GLRA3: variants seen among roughly 807,000 people sequenced by gnomAD.
The protein encoded by GLRA3 is glycine receptor subunit alpha-3.
GLRA3 carries 44 observed loss-of-function variants against 60.4 expected under a neutral mutation model. The ratio of observed to expected loss-of-function variants is 0.73; its 90% CI spans 0.57 to 0.94. The LOEUF (loss-of-function observed/expected upper bound fraction) is 0.94, where lower values mean the gene tolerates loss of function less well. Ranked by LOEUF, GLRA3 falls within the 40% of genes least tolerant of loss-of-function variation. The pLI is 0.00. For missense variants in GLRA3, 508 were observed against 564.6 expected (o/e 0.90, Z 1.02); for synonymous variants, 223 against 192.9 (o/e 1.16, Z -1.29).
intron 5 of GLRA3, among the ~76,000 whole-genome samples, chr4:174,687,110 C>G (rs536488196): frequency 1.3e-5 from 2 of 152,242 alleles, no homozygotes; most frequent in Admixed American, 1.3e-4. Context: ...GGTAAAACTT[C>G]TAGTGCTTTA....
At chr4:174,794,211 T>C (rs951478231) in intron 1 of GLRA3, among the ~76,000 whole-genome samples, 15 of 152,168 alleles carry the variant, frequency 9.9e-5, no homozygotes, top group African/African-American at 3.1e-4. Context: ...AACCCACCTA[T>C]TATAATAGTT....
chr4:174,659,645 A>AT (rs34578642), intron 7 of GLRA3, among the ~76,000 whole-genome samples: 2 of 151,906 alleles, frequency 1.3e-5, no homozygotes, highest in African/African-American at 4.8e-5. Flanking sequence ...ATTTTGAAAT[A>AT]TTTTTTGACT....
intron 5 of GLRA3, among the ~76,000 whole-genome samples, chr4:174,690,323 GA>G (rs1734745641): frequency 6.6e-6 from 1 of 151,976 alleles, no homozygotes; most frequent in Non-Finnish European, 1.5e-5. Context: ...ACATTGCATT[GA>G]AATTATGGCT....
chr4:174,706,120 C>G (rs1032809769), intron 5 of GLRA3, among the ~76,000 whole-genome samples: 2 of 151,952 alleles, frequency 1.3e-5, no homozygotes, highest in Non-Finnish European at 2.9e-5. Context: ...GTCCCAGCTA[C>G]TCGGGAGGCT....
At chr4:174,679,153 A>G (rs1310140757) in intron 6 of GLRA3, among the ~76,000 whole-genome samples, 1 of 152,102 alleles carries the variant, frequency 6.6e-6, no homozygotes, top group Non-Finnish European at 1.5e-5. Flanking sequence ...AACCCGGTGC[A>G]ACCCCGTCTC....
chr4:174,656,971 C>A (rs1245497312), intron 8 of GLRA3, among the ~76,000 whole-genome samples, 184 bp from the exon 9 acceptor site: 2 of 152,022 alleles, frequency 1.3e-5, no homozygotes, highest in East Asian at 1.9e-4. Context: ...ACTTAAAAAA[C>A]CTTTTTTCTT....
intron 2 of GLRA3, among the ~76,000 whole-genome samples, chr4:174,775,731 T>C: frequency 6.6e-6 from 1 of 152,208 alleles, no homozygotes; most frequent in Non-Finnish European, 1.5e-5. Flanking sequence ...GCAATTCAAT[T>C]GTTTTATGTT....
At chr4:174,703,333 T>C (rs531514981) in intron 5 of GLRA3, among the ~76,000 whole-genome samples, 7 of 152,328 alleles carry the variant, frequency 4.6e-5, no homozygotes, top group African/African-American at 1.7e-4. Flanking sequence ...TCACAGCTCC[T>C]GGGCTTTGAT....
chr4:174,659,007 C>A (rs369790717), intron 8 of GLRA3, 47 bp downstream of exon 8: 2 of 1,518,442 alleles, frequency 1.3e-6, no homozygotes, highest in South Asian at 2.3e-5. Context: ...AATTCACTTT[C>A]GAGTGAAAAC....
At chr4:174,769,075 T>C (rs554380334) in intron 2 of GLRA3, among the ~76,000 whole-genome samples, 6 of 152,104 alleles carry the variant, frequency 3.9e-5, no homozygotes, top group South Asian at 2.1e-4. Flanking sequence ...CCTTGACTTA[T>C]TTCTGTTTCC....
intron 2 of GLRA3, among the ~76,000 whole-genome samples, chr4:174,784,373 C>T (rs1384373394): frequency 1.3e-4 from 18 of 141,744 alleles, no homozygotes; most frequent in African/African-American, 4.2e-4. Flanking sequence ...TGCTAGATGA[C>T]GAGTTAGTGG....
intron 5 of GLRA3, among the ~76,000 whole-genome samples, chr4:174,709,192 A>C (rs908705746): frequency 6.6e-6 from 1 of 152,098 alleles, no homozygotes; most frequent in Non-Finnish European, 1.5e-5. Flanking sequence ...AAACTAATGC[A>C]ATCTAATCCT....
chr4:174,796,606 G>A (rs1739580789), intron 1 of GLRA3, among the ~76,000 whole-genome samples: 1 of 151,538 alleles, frequency 6.6e-6, no homozygotes, highest in South Asian at 2.1e-4. Context: ...GCGCGATCTT[G>A]GCTGACTGAA....
At chr4:174,770,736 C>T (rs953040367) in intron 2 of GLRA3, among the ~76,000 whole-genome samples, 2 of 151,992 alleles carry the variant, frequency 1.3e-5, no homozygotes, top group Non-Finnish European at 1.5e-5. Flanking sequence ...TACTAATGAA[C>T]ATTTTAAAAT....
At chr4:174,742,752 G>C (rs1737075851) in intron 3 of GLRA3, among the ~76,000 whole-genome samples, 1 of 152,150 alleles carries the variant, frequency 6.6e-6, no homozygotes, top group Non-Finnish European at 1.5e-5. Flanking sequence ...TTCCCAGAAG[G>C]ATATAAATTA....
intron 2 of GLRA3, among the ~76,000 whole-genome samples, chr4:174,779,164 C>G (rs552709447): frequency 6.6e-6 from 1 of 152,176 alleles, no homozygotes; most frequent in Non-Finnish European, 1.5e-5. Context: ...TCCCTGACCC[C>G]CAAGCAGCCT....
chr4:174,819,937 C>G (rs1740671875), intron 1 of GLRA3, among the ~76,000 whole-genome samples: 1 of 152,094 alleles, frequency 6.6e-6, no homozygotes, highest in Non-Finnish European at 1.5e-5. Context: ...CTTTTTTAAA[C>G]TAGATGATTA....
At chr4:174,751,921 A>C (rs1041532615) in intron 3 of GLRA3, among the ~76,000 whole-genome samples, 1 of 152,064 alleles carries the variant, frequency 6.6e-6, no homozygotes, top group East Asian at 1.9e-4. Context: ...TAGGGAAAAG[A>C]TGTCTAAAAA....
At position 174,786,455 on chromosome 4, in the gene GLRA3, T is replaced by C. The variant is rs1390439391; in HGVS notation, c.199+2361A>G. On this transcript the variant is annotated intron_variant, in intron 2 of 9. Transcript: ENST00000274093. ...AGGGCTGATCATTCTCACCTCCTTTTGTGTAAATGTCTTCTGTTAGGTATT... is the reference window on the plus strand; with the variant it reads ...AGGGCTGATCATTCTCACCTCCTTTCGTGTAAATGTCTTCTGTTAGGTATT... Among the ~76,000 whole-genome samples the C allele has an allele frequency of 2.6e-5, 4 of 152,174 alleles. No individual in the cohort carries two copies. The South Asian group carries it at 8.3e-4, about 31-fold the overall frequency.
Sources: allele counts gnomAD v4.1 joint callset (sites outside exome capture counted in the v4.1 genomes callset), GRCh38; gene constraint gnomAD v4.1.1; transcripts MANE v1.5; gene names NCBI Gene and HGNC (gene_info 2026-07-23, HGNC 2026-07-21).